Variants in TET1 observed in about 807,000 individuals in gnomAD.
TET1 encodes the protein methylcytosine dioxygenase TET1.
In TET1, 13 loss-of-function variants were observed where a neutral mutation model predicts 148.7. That is an observed-to-expected ratio of 0.09 (90% CI 0.06 to 0.14). TET1 has a LOEUF of 0.14. Among genes scored for constraint, TET1 ranks in the 10% least tolerant of loss-of-function variants. TET1 has a pLI of 1.00. For synonymous variants in TET1, 907 were observed against 937.2 expected (o/e 0.97, Z 0.59); for missense variants, 2,182 against 2,553.8 (o/e 0.85, Z 3.14).
chr10:68,563,437 A>C (rs1264123691), intron 1 of TET1, among the ~76,000 whole-genome samples: 1 of 152,230 alleles, frequency 6.6e-6, no homozygotes, highest in Non-Finnish European at 1.5e-5. Context: ...AGAGCCTTTA[A>C]GTTCTGTAGA....
intron 2 of TET1, among the ~76,000 whole-genome samples, chr10:68,595,971 CACACACATAT>C (rs1221143113): frequency 1.5e-3 from 70 of 47,284 alleles, no homozygotes; most frequent in Middle Eastern, 0.012. Flanking sequence ...TACACACACA[CACACACATAT>C]ATACACACAC....
Position 68,596,026 on chromosome 10 carries a change from A to ACG in TET1, c.1915-4954_1915-4953insGC. Reference sequence around the variant, plus strand: ...CACACACACACACACACACACACACACATATATATATATATATACACATTT... The same window carrying ACG: ...CACACACACACACACACACACACACACGCATATATATATATATATACACATTT... On this transcript the variant is annotated intron_variant, in intron 2 of 11. Coordinates refer to ENST00000373644, the MANE Select transcript of TET1 (RefSeq NM_030625.3). 1.8e-5 allele frequency among the ~76,000 whole-genome samples: 2 copies of ACG among 112,358 alleles called. 1 individual carries two copies. The highest frequency in any genetic ancestry group is 3.7e-5 in the Non-Finnish European group (2 of 54,678). 73.7% of individuals were successfully genotyped at this position (112,358 alleles called of 152,430 possible).
At chr10:68,684,375 C>CT (rs5785868) in intron 10 of TET1, among the ~76,000 whole-genome samples, 102,150 of 139,460 alleles carry the variant, frequency 0.73, 37,484 homozygotes, top group East Asian at 0.84. Flanking sequence ...GCCACAACAA[C>CT]TTTTTTTTTT....
chr10:68,646,635 C>T lies in TET1; in HGVS notation c.3906C>T (p.Pro1302=), dbSNP rs751644630. Residue 1302 remains proline, a synonymous_variant, in exon 4 of 12, where the codon CCC becomes CCT. Coordinates refer to ENST00000373644, the MANE Select transcript of TET1 (RefSeq NM_030625.3). ...AGAAAGCCCATCCTTTGACCCAGCCCTCCTCTCCACCTAACCAGTGTGCTA... is the reference window on the plus strand; with the variant it reads ...AGAAAGCCCATCCTTTGACCCAGCCTTCCTCTCCACCTAACCAGTGTGCTA... ...ANQKAHPLTQ[P]SSPPNQCANV... 1.2e-6 allele frequency: 2 copies of T among 1,614,052 alleles called. No homozygotes were observed. Among genetic ancestry groups the T allele is most frequent in the South Asian group, 1.1e-5 (1 of 91,076 alleles).
chr10:68,576,019 CAA>C (rs534082686), intron 2 of TET1, among the ~76,000 whole-genome samples: 5 of 94,302 alleles, frequency 5.3e-5, no homozygotes, highest in Non-Finnish European at 4.5e-5. Flanking sequence ...GACTCCATCT[CAA>C]AAAAAAAAAA....
In TET1 at chr10:68,591,069, G is replaced by A. The variant is rs1386680165; in HGVS notation, c.1915-9912G>A. Among the ~76,000 whole-genome samples the A allele has an allele frequency of 2.0e-5, 3 of 151,928 alleles. No individual in the cohort carries two copies. In the East Asian group the frequency reaches 5.8e-4, roughly 29 times the overall value. On this transcript the variant is annotated intron_variant, in intron 2 of 11. Transcript: ENST00000373644. The stretch of plus-strand genomic sequence containing the variant: ...GGGGTTTCTTCATGTTGGTCAGGCT[G>A]GTCTCGAACTCCCGACCTCAGGTGA...
rs1256923120 is a variant in TET1, at chr10:68,686,686, C to G, written c.5383C>G (p.Pro1795Ala). 1.2e-6 allele frequency: 2 copies of G among 1,613,346 alleles called. No homozygotes were observed. The highest frequency in any genetic ancestry group is 1.7e-5 in the Admixed American group (1 of 59,928). ...NNSTTTNNSK[P>A]SSLPTLGSNT... The stretch of plus-strand genomic sequence containing the variant: ...CTCAACAACAACAAACAACAGTAAG[C>G]CTTCGTCACTGCCAACCTTAGGTGA... Residue 1795 changes from proline to alanine, a missense_variant, in exon 11 of 12, where the codon CCT (proline) becomes GCT (alanine). Physicochemically the swap from Pro to Ala is conservative, Grantham distance 27. Coordinates refer to ENST00000373644, the MANE Select transcript of TET1 (RefSeq NM_030625.3).
At chr10:68,663,510 A>G (rs537962131) in intron 6 of TET1, among the ~76,000 whole-genome samples, 2 of 152,268 alleles carry the variant, frequency 1.3e-5, no homozygotes, top group East Asian at 3.9e-4. Flanking sequence ...TTTTTCTGTG[A>G]TTCTCTTGAA....
At chr10:68,654,473 C>T (rs570047328) in intron 6 of TET1, among the ~76,000 whole-genome samples, 10 of 151,694 alleles carry the variant, frequency 6.6e-5, no homozygotes, top group South Asian at 4.2e-4. Context: ...AAAAATTAGC[C>T]GGGCGTGGTG....
intron 3 of TET1, among the ~76,000 whole-genome samples, chr10:68,612,980 A>G (rs1476749016): frequency 1.3e-5 from 2 of 152,316 alleles, no homozygotes; most frequent in East Asian, 3.9e-4. Context: ...TGTTCTCCAC[A>G]GTGTCTAACA....
intron 10 of TET1, 137 bp downstream of exon 10, chr10:68,683,110 T>A: frequency 9.6e-7 from 1 of 1,036,726 alleles, no homozygotes; most frequent in Non-Finnish European, 1.3e-6. Flanking sequence ...GAAAATAAAG[T>A]GAAAAAAAAG....
chr10:68,629,422 G>A (rs2054535835), intron 3 of TET1, among the ~76,000 whole-genome samples: 1 of 151,904 alleles, frequency 6.6e-6, no homozygotes, highest in Admixed American at 6.6e-5. Context: ...TGTATTAATT[G>A]TAACTTTTAC....
intron 2 of TET1, among the ~76,000 whole-genome samples, chr10:68,593,575 C>A (rs2053943782): frequency 1.3e-5 from 2 of 151,936 alleles, no homozygotes. Flanking sequence ...GTAGCTGGGA[C>A]TACAGGCATG....
rs2053536137 is a variant in TET1, at chr10:68,560,364, A to G, written c.-501A>G. On this transcript the variant is annotated 5_prime_UTR_variant, in exon 1 of 12. Transcript: ENST00000373644. ...TCCCTGAGGTCTGTCCTGGGGAGACACTGCTGCTCCGGGGGGCTGACCTGG... is the reference window on the plus strand; with the variant it reads ...TCCCTGAGGTCTGTCCTGGGGAGACGCTGCTGCTCCGGGGGGCTGACCTGG... 6.6e-6 allele frequency among the ~76,000 whole-genome samples: 1 copy of G among 152,192 alleles called. No individual in the cohort carries two copies.
Position 68,645,385 on chromosome 10 carries a change from T to C in TET1, c.2656T>C (p.Leu886=), listed in dbSNP as rs529307287. The C allele has an allele frequency of 1.2e-6, 2 of 1,614,040 alleles. No individual in the cohort carries two copies. Among genetic ancestry groups the C allele is most frequent in the East Asian group, 2.2e-5 (1 of 44,886 alleles). The change falls in exon 4 of 12, where the codon TTA becomes CTA. Residue 886 remains leucine, a synonymous_variant. Coordinates refer to ENST00000373644, the MANE Select transcript of TET1 (RefSeq NM_030625.3). The part of the protein sequence containing the change: ...SLLSLMKDRR[L]TLEQVVAIEA... Reference sequence around the variant, plus strand: ...CTTATCGTTAATGAAAGATAGGAGATTAACATTGGAGCAAGTGGTAGCCAT... The same window carrying C: ...CTTATCGTTAATGAAAGATAGGAGACTAACATTGGAGCAAGTGGTAGCCAT...
At chr10:68,654,742 G>A (rs1367180720) in intron 6 of TET1, among the ~76,000 whole-genome samples, 1 of 152,194 alleles carries the variant, frequency 6.6e-6, no homozygotes, top group Non-Finnish European at 1.5e-5. Context: ...TAACATGAAG[G>A]CCTTCATGTT....
rs533824536 is a variant in TET1, at chr10:68,692,580, A to G, written c.*766A>G. On this transcript the variant is annotated 3_prime_UTR_variant, in exon 12 of 12. Coordinates refer to ENST00000373644, the MANE Select transcript of TET1 (RefSeq NM_030625.3). ...GTTAACTGCAGTATGTATTCTAATC[A>G]TGTATATGGTTTGTGTTCTTTTACT... 12 of 232,340 alleles carry G rather than the reference A, an allele frequency of 5.2e-5. No homozygotes were observed. Among genetic ancestry groups the G allele is most frequent in the African/African-American group, 2.0e-4 (9 of 45,298 alleles). The allele number at this position is 232,340 out of a possible 1,614,324, so 14.4% of individuals were successfully genotyped here.
intron 3 of TET1, among the ~76,000 whole-genome samples, chr10:68,625,442 T>C (rs1366910008): frequency 6.6e-6 from 1 of 152,194 alleles, no homozygotes; most frequent in Non-Finnish European, 1.5e-5. Flanking sequence ...GTCATCTCAT[T>C]TGTTAGCAGG....
rs74788659 is a variant in TET1, at chr10:68,688,525, C to T, written c.5404+1818C>T. Among the ~76,000 whole-genome samples, 433 of 148,264 alleles carry T rather than the reference C, an allele frequency of 2.9e-3. 10 individuals carry two copies. The East Asian group carries it at 0.06, about 20-fold the overall frequency. On this transcript the variant is annotated intron_variant, in intron 11 of 11. Transcript: ENST00000373644. ...TCTCAGCTCACTGCAAGTTGTGCCT[C>T]CCGGGTTCACGCCATTCTCCTGCCT... is the stretch of plus-strand genomic sequence containing the variant.
Sources: gnomAD v4.1 joint callset for allele counts (sites outside exome capture counted in the v4.1 genomes callset) on GRCh38, gnomAD v4.1.1 for gene constraint, MANE v1.5 for transcripts, NCBI Gene and HGNC (gene_info 2026-07-23, HGNC 2026-07-21) for gene names.